Variants in BCAS3 observed in about 807,000 individuals in gnomAD.
BCAS3 encodes the protein BCAS4/BCAS3 fusion.
Under a neutral mutation model 116.1 loss-of-function variants are expected in BCAS3, and 53 were observed. The observed-to-expected ratio is 0.46, with a 90% CI of 0.37 to 0.57. The LOEUF is 0.57. Among genes scored for constraint, BCAS3 ranks in the 20% least tolerant of loss-of-function variants. The pLI, the probability that BCAS3 is intolerant of heterozygous loss-of-function variation, is 0.00. For missense variants in BCAS3, 917 were observed against 1,165.4 expected (o/e 0.79, Z 3.10); for synonymous variants, 391 against 408.2 (o/e 0.96, Z 0.51).
intron 6 of BCAS3, among the ~76,000 whole-genome samples, chr17:60,761,376 C>T (rs183027249): frequency 1.6e-4 from 25 of 152,106 alleles, no homozygotes; most frequent in African/African-American, 3.1e-4. Context: ...CCCCACTCCA[C>T]GACAGGCCCC....
At chr17:60,807,721 G>A (rs1409862873) in intron 6 of BCAS3, among the ~76,000 whole-genome samples, 7 of 151,624 alleles carry the variant, frequency 4.6e-5, no homozygotes, top group Non-Finnish European at 8.8e-5. Flanking sequence ...GGCAGAGGTT[G>A]CAGTGAGCTG....
chr17:60,911,559 A>T (rs552649838), intron 12 of BCAS3, among the ~76,000 whole-genome samples: 1 of 152,246 alleles, frequency 6.6e-6, no homozygotes, highest in South Asian at 2.1e-4. Flanking sequence ...TGGCCTCCCA[A>T]AGTGCTGGGA....
rs1301093443 is a variant in BCAS3, at chr17:61,302,881, T to TC, written c.2426-65444dup. Among the ~76,000 whole-genome samples, 1 of 152,160 alleles carries TC rather than the reference T, an allele frequency of 6.6e-6. No homozygotes were observed. Among genetic ancestry groups the TC allele is most frequent in the Non-Finnish European group, 1.5e-5 (1 of 68,014 alleles). ...TCTAGATCACTTTCTAAATTCCTTT[T>TC]CCACGAAATACGGGCTTTGAGAGAG... On this transcript the variant is annotated intron_variant, in intron 22 of 23. Transcript: ENST00000407086. This position sits in a 1 kb window ranked among gnomAD's most constrained non-coding sequence, Gnocchi z 4.4.
rs897661571 is a variant in BCAS3, at chr17:61,379,510, G to T, written c.2593+11016G>T. ...CCAAGCCCATCCGATTGAACTTAAC[G>T]GAGAAGTGAAGTTCCCTAGTAGAAG... On this transcript the variant is annotated intron_variant, in intron 23 of 23. Coordinates refer to ENST00000407086, the MANE Select transcript of BCAS3 (RefSeq NM_017679.5). This position sits in a 1 kb window ranked among gnomAD's most constrained non-coding sequence, Gnocchi z 5.5. 1 of 152,168 alleles carries T rather than the reference G, an allele frequency of 6.6e-6. No individual in the cohort carries two copies. The highest frequency in any genetic ancestry group is 2.4e-5 in the African/African-American group (1 of 41,428). The allele number at this position is 152,168 out of a possible 1,614,324, so 9.4% of individuals were successfully genotyped here.
At chr17:60,904,773 C>T (rs1373756990) in intron 11 of BCAS3, among the ~76,000 whole-genome samples, 1 of 152,180 alleles carries the variant, frequency 6.6e-6, no homozygotes, top group African/African-American at 2.4e-5. Context: ...GCCGAGGCTA[C>T]AGTGAGCCAT....
chr17:61,336,942 G>T (rs1006711703), intron 22 of BCAS3, among the ~76,000 whole-genome samples: 18 of 152,000 alleles, frequency 1.2e-4, no homozygotes. Context: ...GTGAAACCCT[G>T]TCTCTACTAA....
intron 5 of BCAS3, among the ~76,000 whole-genome samples, chr17:60,714,897 A>G (rs1306463609): frequency 6.6e-6 from 1 of 152,118 alleles, no homozygotes; most frequent in Non-Finnish European, 1.5e-5. Context: ...CCCTTCTTTC[A>G]ACACACCAGA....
At chr17:60,756,941 G>A (rs2144323984) in intron 6 of BCAS3, among the ~76,000 whole-genome samples, 1 of 152,204 alleles carries the variant, frequency 6.6e-6, no homozygotes, top group Admixed American at 6.5e-5. Flanking sequence ...AATCCCAGCG[G>A]ATCACGAGGT....
chr17:60,831,349 G>A (rs1255409836), intron 7 of BCAS3, among the ~76,000 whole-genome samples: 1 of 150,980 alleles, frequency 6.6e-6, no homozygotes, highest in Non-Finnish European at 1.5e-5. Flanking sequence ...GCTAATTTTT[G>A]TATTTTTAGT....
At chr17:61,147,371 C>T (rs963183621) in intron 22 of BCAS3, among the ~76,000 whole-genome samples, 5 of 152,012 alleles carry the variant, frequency 3.3e-5, no homozygotes, top group African/African-American at 4.8e-5. Flanking sequence ...CCACCGCACC[C>T]GGCCATACCT....
intron 22 of BCAS3, among the ~76,000 whole-genome samples, chr17:61,096,161 C>T (rs931995491): frequency 4.6e-5 from 7 of 152,094 alleles, no homozygotes; most frequent in African/African-American, 1.7e-4. Flanking sequence ...ACTTTTATAA[C>T]TATTCACTTA....
chr17:60,991,797 G>A (rs772279478), intron 15 of BCAS3, among the ~76,000 whole-genome samples: 16 of 151,322 alleles, frequency 1.1e-4, no homozygotes, highest in Non-Finnish European at 1.5e-4. Context: ...TAATCCCCTA[G>A]CAAACACCAC....
intron 12 of BCAS3, 106 bp from the exon 13 acceptor site, chr17:60,924,301 A>T: frequency 1.1e-6 from 1 of 879,458 alleles, no homozygotes; most frequent in South Asian, 1.5e-5. Context: ...CTAGAGTGGA[A>T]ACATGTTATT....
chr17:61,170,678 C>G (rs971007665), intron 22 of BCAS3, among the ~76,000 whole-genome samples: 5 of 151,992 alleles, frequency 3.3e-5, no homozygotes, highest in Non-Finnish European at 7.4e-5. Context: ...TGAAGTGAGC[C>G]CTGCAATTGT....
chr17:61,285,231 T>TTGTGTGTGTGTGTGTGTGTG lies in BCAS3; in HGVS notation c.2426-83088_2426-83069dup, dbSNP rs371178241. Among the ~76,000 whole-genome samples, 663 of 140,064 alleles carry TTGTGTGTGTGTGTGTGTGTG rather than the reference T, an allele frequency of 4.7e-3. No individual in the cohort carries two copies. The highest frequency in any genetic ancestry group is 0.012 in the African/African-American group (384 of 32,932). 91.9% of individuals were successfully genotyped at this position (140,064 alleles called of 152,430 possible). A position where few individuals can be genotyped will look rare whatever the true frequency, so the allele number is the denominator to read the frequency against. On this transcript the variant is annotated intron_variant, in intron 22 of 23. Transcript: ENST00000407086. This position sits in a 1 kb window ranked among gnomAD's most constrained non-coding sequence, Gnocchi z 5.4. ...GTTTTGCTTTTCCCCTCCTCCTAGG[T>TTGTGTGTGTGTGTGTGTGTG]TGTGTGTGTGTGTGTGTGTGTGTGT...
chr17:60,741,913 A>C (rs2041587390), intron 5 of BCAS3, among the ~76,000 whole-genome samples: 1 of 152,234 alleles, frequency 6.6e-6, no homozygotes, highest in South Asian at 2.1e-4. Flanking sequence ...GAGAATGTTT[A>C]CATCAATATT....
intron 19 of BCAS3, among the ~76,000 whole-genome samples, chr17:61,066,639 C>T (rs1232010028): frequency 6.6e-6 from 1 of 151,970 alleles, no homozygotes; most frequent in Non-Finnish European, 1.5e-5. Flanking sequence ...TGATAAATAT[C>T]TTACCTTTTG....
intron 14 of BCAS3, among the ~76,000 whole-genome samples, chr17:60,957,170 C>G (rs2061176432): frequency 6.6e-6 from 1 of 152,132 alleles, no homozygotes; most frequent in African/African-American, 2.4e-5. Context: ...TTGTACTTAG[C>G]ATGCTAATTT....
At chr17:61,384,843 G>C (rs915046338) in intron 23 of BCAS3, among the ~76,000 whole-genome samples, 1 of 152,196 alleles carries the variant, frequency 6.6e-6, no homozygotes, top group Non-Finnish European at 1.5e-5. Context: ...CTGTGGGCCT[G>C]GCAGCCAGCT....
Sources: allele counts gnomAD v4.1 joint callset (sites outside exome capture counted in the v4.1 genomes callset), GRCh38; gene constraint gnomAD v4.1.1; non-coding constraint Gnocchi (gnomAD v3.1); transcripts MANE v1.5; gene names NCBI Gene and HGNC (gene_info 2026-07-23, HGNC 2026-07-21).